Variants in NUP88 observed in about 807,000 individuals in gnomAD.
NUP88 encodes the protein nuclear pore complex protein Nup88.
Under a neutral mutation model 93.9 loss-of-function variants are expected in NUP88, and 57 were observed. That is an observed-to-expected ratio of 0.61 (90% CI 0.49 to 0.76). The LOEUF (loss-of-function observed/expected upper bound fraction) is 0.76, where lower values mean the gene tolerates loss of function less well. NUP88 is among the 30% of genes least tolerant of loss of function. The probability of loss-of-function intolerance (pLI) is 0.00; values close to 1 mark genes in which losing one functional copy is unlikely to be tolerated. For synonymous variants in NUP88, 346 were observed against 336.8 expected (o/e 1.03, Z -0.30); for missense variants, 911 against 901.0 (o/e 1.01, Z -0.14).
At chr17:5,408,655 T>C (rs1462149843) in intron 5 of NUP88, 78 bp downstream of exon 5, 2 of 1,111,346 alleles carry the variant, frequency 1.8e-6, no homozygotes, top group Non-Finnish European at 2.6e-6. Flanking sequence ...AAAACATGGC[T>C]CCCAAGTCCA....
rs933397380 is a variant in NUP88, at chr17:5,386,225, C to T, written c.2207G>A (p.Arg736His). Reference protein sequence around the residue: ...REMVKQINDIRNHVNF With the variant: ...REMVKQINDIHNHVNF ...GTGGTGTCAGAAGTTTACATGATTG[C>T]GGATATCATTGATTTGCTTCACCAT... Residue 736 changes from arginine (R) to histidine (H), a missense_variant, in exon 17 of 17, where the codon CGC becomes CAC. By Grantham distance (29) the Arg-to-His change is conservative. Coordinates refer to ENST00000573584, the MANE Select transcript of NUP88 (RefSeq NM_002532.6). 1.2e-5 allele frequency: 19 copies of T among 1,612,958 alleles called. No homozygotes were observed. Among genetic ancestry groups the T allele is most frequent in the Admixed American group, 3.3e-5 (2 of 59,776 alleles).
At chr17:5,405,750 T>C (rs959392460) in intron 5 of NUP88, among the ~76,000 whole-genome samples, 1 of 152,188 alleles carries the variant, frequency 6.6e-6, no homozygotes, top group African/African-American at 2.4e-5. Context: ...TTATCACTGG[T>C]TAACGACTAC....
rs1447498250 is a variant in NUP88 at position 5,386,257 on chromosome 17, T to C, written c.2175A>G (p.Ile725Met). ...QSILKEEGEH[I>M]REMVKQINDI... ...CATTGATTTGCTTCACCATTTCCCTTATATGTTCACCCCTGTAAAATTGTA... is the reference window on the plus strand; with the variant it reads ...CATTGATTTGCTTCACCATTTCCCTCATATGTTCACCCCTGTAAAATTGTA... Residue 725 changes from isoleucine (I) to methionine (M), a missense_variant, in exon 17 of 17, where the codon ATA (isoleucine) becomes ATG (methionine). By Grantham distance (10) the Ile-to-Met change is conservative. Coordinates refer to ENST00000573584, the MANE Select transcript of NUP88 (RefSeq NM_002532.6). 1.2e-6 allele frequency: 2 copies of C among 1,612,262 alleles called. No homozygotes were observed. Among genetic ancestry groups the C allele is most frequent in the Non-Finnish European group, 1.7e-6 (2 of 1,179,172 alleles).
intron 4 of NUP88, 147 bp from the exon 5 acceptor site, chr17:5,409,056 A>C: frequency 1.6e-6 from 1 of 633,974 alleles, no homozygotes; most frequent in Non-Finnish European, 2.6e-6. Flanking sequence ...AAAGACAAAA[A>C]ATGATTATGA....
At chr17:5,414,692 G>A (rs1453776617) in intron 2 of NUP88, among the ~76,000 whole-genome samples, 2 of 152,116 alleles carry the variant, frequency 1.3e-5, no homozygotes, top group East Asian at 3.9e-4. Context: ...GCCAAGGCAG[G>A]TGGATCACCT....
rs560255957 is a variant in NUP88, at chr17:5,408,218, C to G, written c.857+515G>C. Among the ~76,000 whole-genome samples, 3 of 152,316 alleles carry G rather than the reference C, an allele frequency of 2.0e-5. No homozygotes were observed. In the East Asian group the frequency reaches 5.8e-4, roughly 29 times the overall value. On this transcript the variant is annotated intron_variant, in intron 5 of 16. Coordinates refer to ENST00000573584, the MANE Select transcript of NUP88 (RefSeq NM_002532.6). Reference sequence around the variant, plus strand: ...GAAATGGTCTCACTCTTCCTTGATACTTCATTTAATCCTGAATGAGACCTT... The same window carrying G: ...GAAATGGTCTCACTCTTCCTTGATAGTTCATTTAATCCTGAATGAGACCTT...
intron 5 of NUP88, among the ~76,000 whole-genome samples, chr17:5,405,763 C>T (rs1330813997): frequency 1.3e-5 from 2 of 152,232 alleles, no homozygotes; most frequent in Non-Finnish European, 2.9e-5. Flanking sequence ...ACGACTACTG[C>T]TACTCAACAG....
chr17:5,400,518 C>CAAA (rs1913095621), intron 7 of NUP88, among the ~76,000 whole-genome samples: 1 of 140,168 alleles, frequency 7.1e-6, no homozygotes, highest in Non-Finnish European at 1.6e-5. Flanking sequence ...AAAAAAAAAA[C>CAAA]TCAATCCAAA....
At chr17:5,393,982 T>C (rs1912612234) in intron 9 of NUP88, among the ~76,000 whole-genome samples, 1 of 152,104 alleles carries the variant, frequency 6.6e-6, no homozygotes. Context: ...ACTGGGGTGA[T>C]ATGGCACCCT....
At chr17:5,416,158 A>AGTATATGT (rs1398677145) in intron 2 of NUP88, among the ~76,000 whole-genome samples, 2 of 94,040 alleles carry the variant, frequency 2.1e-5, no homozygotes, top group South Asian at 4.5e-4. Context: ...AAAAAAAAAA[A>AGTATATGT]AAAAAAAAGT....
intron 5 of NUP88, among the ~76,000 whole-genome samples, chr17:5,405,730 T>G (rs1913453254): frequency 6.6e-6 from 1 of 152,194 alleles, no homozygotes. Flanking sequence ...CACTTAACCT[T>G]CTGCTGCATT....
intron 4 of NUP88, among the ~76,000 whole-genome samples, 159 bp downstream of exon 4, chr17:5,410,544 C>A (rs1271183854): frequency 6.6e-6 from 1 of 152,126 alleles, no homozygotes; most frequent in Non-Finnish European, 1.5e-5. Context: ...CCAGCCTGGC[C>A]AACACGACGA....
chr17:5,392,149 G>A (rs1229483276), intron 9 of NUP88, among the ~76,000 whole-genome samples: 1 of 152,208 alleles, frequency 6.6e-6, no homozygotes, highest in Non-Finnish European at 1.5e-5. Context: ...GACCTCAGAT[G>A]GGAACTGTCA....
At position 5,404,235 on chromosome 17, in the gene NUP88, G is replaced by A; in HGVS notation, c.1056C>T (p.Ser352=). 1 of 1,612,092 alleles carries A rather than the reference G, an allele frequency of 6.2e-7. No individual in the cohort carries two copies. Among genetic ancestry groups the A allele is most frequent in the Non-Finnish European group, 8.5e-7 (1 of 1,179,418 alleles). Residue 352 remains serine (S), a synonymous_variant, in exon 7 of 17, where the codon TCC becomes TCT. Transcript: ENST00000573584. The part of the protein sequence containing the change: ...EEEDDHTSEK[S]WDSRIDLIPS... ...GAATGAGGTCAATCCTGGAATCCCA[G>A]GACTTTTCTGACTGTAAAAAAAAGT... is the stretch of plus-strand genomic sequence containing the variant.
chr17:5,391,371 AC>A lies in NUP88; in HGVS notation c.1484+189del, dbSNP rs1232067840. On this transcript the variant is annotated intron_variant, in intron 10 of 16. Coordinates refer to ENST00000573584, the MANE Select transcript of NUP88 (RefSeq NM_002532.6). The stretch of plus-strand genomic sequence containing the variant: ...CAGCTAGGTGCAGGGGATGCCAGAA[AC>A]TATACCTACAATGAAACCTTATAGA... 5.6e-6 allele frequency: 3 copies of A among 539,732 alleles called. No individual in the cohort carries two copies. In the East Asian group the frequency reaches 9.2e-5, roughly 17 times the overall value. The allele number at this position is 539,732 out of a possible 1,614,324, so 33.4% of individuals were successfully genotyped here.
chr17:5,413,978 C>A (rs1913988592), intron 3 of NUP88, 31 bp downstream of exon 3: 1 of 1,608,474 alleles, frequency 6.2e-7, no homozygotes, highest in Non-Finnish European at 8.5e-7. Flanking sequence ...TTCCCACTCG[C>A]AAGGCTTCAA....
At chr17:5,409,885 G>A (rs1349386949) in intron 4 of NUP88, among the ~76,000 whole-genome samples, 1 of 152,202 alleles carries the variant, frequency 6.6e-6, no homozygotes, top group Non-Finnish European at 1.5e-5. Context: ...GAGCAGTTGA[G>A]GTGGAGAGCA....
chr17:5,415,224 T>C (rs1266621452), intron 2 of NUP88, among the ~76,000 whole-genome samples: 1 of 152,002 alleles, frequency 6.6e-6, no homozygotes, highest in African/African-American at 2.4e-5. Flanking sequence ...TTCACCATGT[T>C]GCCCAGGGTG....
At chr17:5,410,587 C>T in intron 4 of NUP88, 116 bp downstream of exon 4, 1 of 667,402 alleles carries the variant, frequency 1.5e-6, no homozygotes, top group Non-Finnish European at 2.7e-6. Context: ...ACTTACTTCT[C>T]ACATTACCAA....
Sources: allele counts gnomAD v4.1 joint callset (sites outside exome capture counted in the v4.1 genomes callset), GRCh38; gene constraint gnomAD v4.1.1; transcripts MANE v1.5; gene names NCBI Gene and HGNC (gene_info 2026-07-23, HGNC 2026-07-21).